Variants in EEF1A2 observed in about 807,000 individuals in gnomAD.
EEF1A2 encodes the protein eukaryotic translation elongation factor 1 alpha 2.
Under a neutral mutation model 39.3 loss-of-function variants are expected in EEF1A2, and 5 were observed. The ratio of observed to expected loss-of-function variants is 0.13; its 90% CI spans 0.07 to 0.27. The LOEUF (loss-of-function observed/expected upper bound fraction) is 0.27, where lower values mean the gene tolerates loss of function less well. Among genes scored for constraint, EEF1A2 ranks in the 10% least tolerant of loss-of-function variants. The pLI is 1.00. For missense variants in EEF1A2, 218 were observed against 681.4 expected, an observed-to-expected ratio of 0.32 and a Z score of 7.57; for synonymous variants, 287 against 293.7, an observed-to-expected ratio of 0.98 and a Z score of 0.23.
In EEF1A2 at chr20:63,494,904, G is replaced by C. The variant is rs368285873; in HGVS notation, c.522C>G (p.Val174=). 16 of 1,612,668 alleles carry C rather than the reference G, an allele frequency of 9.9e-6. No homozygotes were observed. Among genetic ancestry groups the C allele is most frequent in the Non-Finnish European group, 1.4e-5 (16 of 1,179,982 alleles). The change falls in exon 4 of 8, where the codon GTC becomes GTG. Residue 174 remains valine (V), a synonymous_variant. Transcript: ENST00000217182. ...EKRYDEIVKE[V]SAYIKKIGYN... is the part of the protein sequence containing the mutation. ...AGCCGATCTTCTTGATGTAGGCGCT[G>C]ACTTCCTTGACGATCTCGTCGTAGC...
rs310608 is a variant in EEF1A2, at chr20:63,490,373, T to C, written c.1029+106A>G. 0.96 allele frequency: 1,381,103 copies of C among 1,433,982 alleles called. 666,780 individuals carry two copies. Among genetic ancestry groups the C allele is most frequent in the Non-Finnish European group, 0.98 (1,049,901 of 1,071,830 alleles). 88.8% of individuals were successfully genotyped at this position (1,433,982 alleles called of 1,614,324 possible). A position where few individuals can be genotyped will look rare whatever the true frequency, so the allele number is the denominator to read the frequency against. The stretch of plus-strand genomic sequence containing the variant: ...AACCACTGCGCCCAGCCTGAGGGTC[T>C]GGTTTTCTCCCCACGCCAGGCCACC... On this transcript the variant is annotated intron_variant, in intron 6 of 7. Coordinates refer to ENST00000217182, the MANE Select transcript of EEF1A2 (RefSeq NM_001958.5).
chr20:63,490,825 G>A, intron 5 of EEF1A2, 90 bp from the exon 6 acceptor site: 3 of 1,449,434 alleles, frequency 2.1e-6, no homozygotes, highest in South Asian at 2.6e-5. Context: ...AACCAACAAA[G>A]CCTGGGACTG....
rs777241260 is a variant in EEF1A2 at position 63,490,716 on chromosome 20, C to G, written c.792G>C (p.Val264=). ...GCAGGATGCCGGTCTCCACCCGGCC[C>G]ACGGGCACCGTGCCAATGCCTGCAG... The part of the protein sequence containing the change: ...YKIGGIGTVP[V]GRVETGILRP... Residue 264 remains valine, a synonymous_variant, in exon 6 of 8, where the codon GTG becomes GTC. Coordinates refer to ENST00000217182, the MANE Select transcript of EEF1A2 (RefSeq NM_001958.5). The G allele has an allele frequency of 9.4e-6, 15 of 1,603,158 alleles. No homozygotes were observed. Among genetic ancestry groups the G allele is most frequent in the African/African-American group, 1.3e-5 (1 of 74,866 alleles).
In EEF1A2 at chr20:63,488,434, C is replaced by A. The variant is rs2082362753; in HGVS notation, c.1265-9G>T. 4 of 1,389,582 alleles carry A rather than the reference C, an allele frequency of 2.9e-6. No individual in the cohort carries two copies. Among genetic ancestry groups the A allele is most frequent in the Non-Finnish European group, 2.8e-6 (3 of 1,061,166 alleles). The allele number at this position is 1,389,582 out of a possible 1,614,324, so 86.1% of individuals were successfully genotyped here. The stretch of plus-strand genomic sequence containing the variant: ...GCGCACGGCGAAGCGGCCTGGGGGG[C>A]GGGGGGCGGCGTGTGGGCGGGGCCG... On this transcript the variant is annotated splice_polypyrimidine_tract_variant and intron_variant, in intron 7 of 7. Transcript: ENST00000217182.
At chr20:63,490,252 A>C (rs945661768) in intron 6 of EEF1A2, 8 of 507,778 alleles carry the variant, frequency 1.6e-5, no homozygotes, top group Non-Finnish European at 2.8e-5. Flanking sequence ...TTTTTAGTAG[A>C]GACGGGGTTT....
At position 63,488,307 on chromosome 20, in the gene EEF1A2, C is replaced by A. The variant is rs781155823; in HGVS notation, c.1383G>T (p.Ala461=). Residue 461 remains alanine (A), a synonymous_variant, in exon 8 of 8, where the codon GCG becomes GCT. Coordinates refer to ENST00000217182, the MANE Select transcript of EEF1A2 (RefSeq NM_001958.5). ...CGCGGGCGCCCGCGCTTCACTTGCC[C>A]GCCTTCTGCGCCTTCTGCGCCGACT... ...VTKSAQKAQK[A]GK 2.9e-5 allele frequency: 40 copies of A among 1,389,334 alleles called. No individual in the cohort carries two copies. In the South Asian group the frequency reaches 5.7e-4, roughly 20 times the overall value. The allele number at this position is 1,389,334 out of a possible 1,614,324, so 86.1% of individuals were successfully genotyped here. A position where few individuals can be genotyped will look rare whatever the true frequency, so the allele number is the denominator to read the frequency against.
chr20:63,494,713 C>G, intron 4 of EEF1A2, 92 bp downstream of exon 4: 1 of 1,478,876 alleles, frequency 6.8e-7, no homozygotes, highest in South Asian at 1.3e-5. Flanking sequence ...GGGACAGGCC[C>G]TCGACCTCCC....
intron 5 of EEF1A2, among the ~76,000 whole-genome samples, chr20:63,491,549 A>G (rs2082378635): frequency 6.6e-6 from 1 of 151,926 alleles, no homozygotes; most frequent in African/African-American, 2.4e-5. Flanking sequence ...GCTGCAGCCC[A>G]CTGGCTGGGG....
At chr20:63,496,077 C>G in intron 2 of EEF1A2, 42 bp from the exon 3 acceptor site, 1 of 1,604,676 alleles carries the variant, frequency 6.2e-7, no homozygotes, top group East Asian at 2.2e-5. Flanking sequence ...GGACCCGGGA[C>G]CCAGGAGTCC....
intron 5 of EEF1A2, among the ~76,000 whole-genome samples, chr20:63,492,390 G>GGAGACGGA (rs769905403): frequency 1.5e-5 from 2 of 129,774 alleles, no homozygotes; most frequent in East Asian, 5.0e-4. Context: ...GGATGGGTGG[G>GGAGACGGA]TAGATGGATG....
Position 63,488,285 on chromosome 20 carries a change from G to C in EEF1A2, c.*13C>G. ...GCACCGCCGGGGAGGGTCGCGCCGC[G>C]GGCGCCCGCGCTTCACTTGCCCGCC... On this transcript the variant is annotated 3_prime_UTR_variant, in exon 8 of 8. Transcript: ENST00000217182. The C allele has an allele frequency of 1.6e-6, 2 of 1,242,364 alleles. No individual in the cohort carries two copies. The highest frequency in any genetic ancestry group is 2.1e-6 in the Non-Finnish European group (2 of 974,760). The allele number at this position is 1,242,364 out of a possible 1,614,324, so 77.0% of individuals were successfully genotyped here.
At chr20:63,491,897 GAT>G (rs2082382460) in intron 5 of EEF1A2, among the ~76,000 whole-genome samples, 2 of 143,592 alleles carry the variant, frequency 1.4e-5, no homozygotes, top group South Asian at 2.4e-4. Flanking sequence ...TGGATGGATG[GAT>G]GGATGGATGG....
intron 4 of EEF1A2, among the ~76,000 whole-genome samples, chr20:63,493,729 G>C (rs2750399): frequency 6.6e-6 from 1 of 152,132 alleles, no homozygotes; most frequent in Non-Finnish European, 1.5e-5. Flanking sequence ...TGCTGCCTCC[G>C]AGCTTGGCCC....
At chr20:63,489,758 G>C (rs1477384388) in intron 6 of EEF1A2, among the ~76,000 whole-genome samples, 1 of 152,096 alleles carries the variant, frequency 6.6e-6, no homozygotes, top group Non-Finnish European at 1.5e-5. Context: ...ACTCCAGCCT[G>C]GGCAACAGAG....
At chr20:63,495,745 CTCACAGGAA>C (rs1325395513) in intron 3 of EEF1A2, 102 bp downstream of exon 3, 1 of 1,415,286 alleles carries the variant, frequency 7.1e-7, no homozygotes, top group Non-Finnish European at 9.5e-7. Context: ...GTCCCCTGCC[CTCACAGGAA>C]GCACAGGAGA....
intron 2 of EEF1A2, chr20:63,496,372 A>G: frequency 3.1e-6 from 1 of 318,706 alleles, no homozygotes; most frequent in South Asian, 4.4e-5. Context: ...CTTTATCTGA[A>G]GCTGCGGACG....
intron 4 of EEF1A2, among the ~76,000 whole-genome samples, chr20:63,493,552 C>G (rs551114092): frequency 2.4e-4 from 36 of 152,214 alleles, no homozygotes; most frequent in Non-Finnish European, 4.9e-4. Context: ...GTTGCTGACA[C>G]TGTGAACAAA....
chr20:63,492,053 G>A (rs2082385051), intron 5 of EEF1A2, among the ~76,000 whole-genome samples: 1 of 139,614 alleles, frequency 7.2e-6, no homozygotes, highest in South Asian at 2.5e-4. Flanking sequence ...TGGAGGGAAG[G>A]ATGGCTGGGT....
At chr20:63,488,818 C>T in intron 7 of EEF1A2, 100 bp downstream of exon 7, 4 of 1,279,506 alleles carry the variant, frequency 3.1e-6, no homozygotes, top group African/African-American at 1.5e-5. Context: ...GGAAAGGGGG[C>T]CCACTGCTGT....
Sources: gnomAD v4.1 joint callset for allele counts (sites outside exome capture counted in the v4.1 genomes callset) on GRCh38, gnomAD v4.1.1 for gene constraint, MANE v1.5 for transcripts, NCBI Gene and HGNC (gene_info 2026-07-23, HGNC 2026-07-21) for gene names.